Variants in COMMD2 observed in about 807,000 individuals in gnomAD.
COMMD2 encodes the protein COMM domain containing 2, also known as COMM domain-containing protein 2.
A neutral mutation model predicts 22.5 loss-of-function variants in COMMD2; 25 were observed. That is an observed-to-expected ratio of 1.11 (90% CI 0.81 to 1.55). The LOEUF is 1.55. Ranked by LOEUF, COMMD2 falls within the 40% of genes most tolerant of loss-of-function variation. COMMD2 has a pLI of 0.00. For synonymous variants in COMMD2, 98 were observed against 91.2 expected (o/e 1.07, Z -0.42); for missense variants, 223 against 232.9 (o/e 0.96, Z 0.28).
intron 3 of COMMD2, 104 bp from the exon 4 acceptor site, chr3:149,750,955 T>C: frequency 2.7e-6 from 2 of 747,828 alleles, no homozygotes; most frequent in Non-Finnish European, 4.0e-6. Context: ...TTCTGTCTAG[T>C]AAAAGAAACA....
In COMMD2 at chr3:149,740,938, C is replaced by A. The variant is rs76763488; in HGVS notation, c.*583G>T. 1 of 152,550 alleles carries A rather than the reference C, an allele frequency of 6.6e-6. No individual in the cohort carries two copies. Among genetic ancestry groups the A allele is most frequent in the African/African-American group, 2.4e-5 (1 of 41,386 alleles). The allele number at this position is 152,550 out of a possible 1,614,324, so 9.4% of individuals were successfully genotyped here. A position where few individuals can be genotyped will look rare whatever the true frequency, so the allele number is the denominator to read the frequency against. On this transcript the variant is annotated 3_prime_UTR_variant, in exon 5 of 5. Coordinates refer to ENST00000473414, the MANE Select transcript of COMMD2 (RefSeq NM_016094.4). ...ATAATGGCCATCTGGCTAGTTCCAA[C>A]GGTAGAGCATGAGACTCTTAAAATA... is the stretch of plus-strand genomic sequence containing the variant.
intron 4 of COMMD2, among the ~76,000 whole-genome samples, chr3:149,744,672 T>C: frequency 6.6e-6 from 1 of 152,222 alleles, no homozygotes; most frequent in East Asian, 1.9e-4. Flanking sequence ...TAGTTACAAG[T>C]TTCCTAGCCA....
chr3:149,740,456 C>T lies in COMMD2; in HGVS notation c.*1065G>A, dbSNP rs1332600118. 6.6e-6 allele frequency: 1 copy of T among 152,126 alleles called. No homozygotes were observed. Among genetic ancestry groups the T allele is most frequent in the African/African-American group, 2.4e-5 (1 of 41,432 alleles). The allele number at this position is 152,126 out of a possible 1,614,324, so 9.4% of individuals were successfully genotyped here. A position where few individuals can be genotyped will look rare whatever the true frequency, so the allele number is the denominator to read the frequency against. On this transcript the variant is annotated 3_prime_UTR_variant, in exon 5 of 5. Coordinates refer to ENST00000473414, the MANE Select transcript of COMMD2 (RefSeq NM_016094.4). Reference sequence around the variant, plus strand: ...ATCCATTATTTGTAAATGTAAATGACAGAGTGTCTCCTAGATGCTTTGGGT... The same window carrying T: ...ATCCATTATTTGTAAATGTAAATGATAGAGTGTCTCCTAGATGCTTTGGGT...
intron 2 of COMMD2, 46 bp downstream of exon 2, chr3:149,752,164 G>A (rs202123794): frequency 2.0e-6 from 3 of 1,525,998 alleles, no homozygotes; most frequent in Non-Finnish European, 2.7e-6. Context: ...GGAATGGCTC[G>A]CAACCGCCCT....
intron 4 of COMMD2, among the ~76,000 whole-genome samples, chr3:149,749,852 C>A (rs186694865): frequency 2.1e-3 from 316 of 152,114 alleles, no homozygotes; most frequent in Non-Finnish European, 3.3e-3. Flanking sequence ...TAATTATATT[C>A]TTTATTCCCC....
rs188105083 is a variant in COMMD2 at position 149,750,581 on chromosome 3, C to T, written c.402+97G>A. ...ACATTAAAAAAACAAAGTTTCAAAC[C>T]GCATCTTAGTTAAGGTGGTAAAGAA... On this transcript the variant is annotated intron_variant, in intron 4 of 4. Coordinates refer to ENST00000473414, the MANE Select transcript of COMMD2 (RefSeq NM_016094.4). 13 of 815,486 alleles carry T rather than the reference C, an allele frequency of 1.6e-5. No homozygotes were observed. The East Asian group carries it at 1.9e-4, about 12-fold the overall frequency. The allele number at this position is 815,486 out of a possible 1,614,324, so 50.5% of individuals were successfully genotyped here.
At chr3:149,747,691 C>T (rs1356079200) in intron 4 of COMMD2, among the ~76,000 whole-genome samples, 1 of 152,110 alleles carries the variant, frequency 6.6e-6, no homozygotes, top group Non-Finnish European at 1.5e-5. Flanking sequence ...AATCCCAGCA[C>T]TTGGGGAGGC....
intron 4 of COMMD2, among the ~76,000 whole-genome samples, chr3:149,748,700 G>C (rs1433044413): frequency 1.3e-5 from 2 of 152,186 alleles, no homozygotes; most frequent in Admixed American, 1.3e-4. Flanking sequence ...CTTGTACTTT[G>C]AAAGCAGCCA....
At position 149,740,995 on chromosome 3, in the gene COMMD2, C is replaced by T. The variant is rs1716196722; in HGVS notation, c.*526G>A. 6.6e-6 allele frequency: 1 copy of T among 152,588 alleles called. No homozygotes were observed. Among genetic ancestry groups the T allele is most frequent in the African/African-American group, 2.4e-5 (1 of 41,420 alleles). The allele number at this position is 152,588 out of a possible 1,614,324, so 9.5% of individuals were successfully genotyped here. A position where few individuals can be genotyped will look rare whatever the true frequency, so the allele number is the denominator to read the frequency against. Reference sequence around the variant, plus strand: ...ACATCTTAATGTGTCAAGAAGACCACAGTTAGCACCAGGAAAGGAACTTTA... The same window carrying T: ...ACATCTTAATGTGTCAAGAAGACCATAGTTAGCACCAGGAAAGGAACTTTA... On this transcript the variant is annotated 3_prime_UTR_variant, in exon 5 of 5. Transcript: ENST00000473414.
intron 4 of COMMD2, 50 bp downstream of exon 4, chr3:149,750,628 C>T: frequency 7.5e-7 from 1 of 1,333,460 alleles, no homozygotes; most frequent in South Asian, 1.6e-5. Context: ...GGACACAAAC[C>T]TAAAATAATT....
chr3:149,741,252 G>C lies in COMMD2; in HGVS notation c.*269C>G, dbSNP rs1024974887. 6 of 328,606 alleles carry C rather than the reference G, an allele frequency of 1.8e-5. No homozygotes were observed. Among genetic ancestry groups the C allele is most frequent in the Non-Finnish European group, 3.5e-5 (6 of 171,922 alleles). 20.4% of individuals were successfully genotyped at this position (328,606 alleles called of 1,614,324 possible). On this transcript the variant is annotated 3_prime_UTR_variant, in exon 5 of 5. Transcript: ENST00000473414. ...TGGCTAATTTTTTATATTTTTAGTA[G>C]AGATGGGGTTTCACCATGTTAGCCA... is the stretch of plus-strand genomic sequence containing the variant.
chr3:149,748,128 T>C (rs1195656127), intron 4 of COMMD2, among the ~76,000 whole-genome samples: 2 of 151,986 alleles, frequency 1.3e-5, no homozygotes, highest in African/African-American at 4.8e-5. Context: ...GCTAGAACTA[T>C]GTCCTCATGG....
intron 4 of COMMD2, among the ~76,000 whole-genome samples, chr3:149,749,381 A>T (rs1202720504): frequency 6.6e-6 from 1 of 152,196 alleles, no homozygotes; most frequent in Non-Finnish European, 1.5e-5. Flanking sequence ...TCTATAACCT[A>T]TCTGGACATT....
In COMMD2 at chr3:149,741,257, G is replaced by A. The variant is rs970665132; in HGVS notation, c.*264C>T. ...AATTTTTTATATTTTTAGTAGAGAT[G>A]GGGTTTCACCATGTTAGCCAGGAAG... On this transcript the variant is annotated 3_prime_UTR_variant, in exon 5 of 5. Transcript: ENST00000473414. The A allele has an allele frequency of 3.8e-5, 13 of 340,128 alleles. No individual in the cohort carries two copies. Among genetic ancestry groups the A allele is most frequent in the Non-Finnish European group, 6.1e-5 (11 of 179,384 alleles). The allele number at this position is 340,128 out of a possible 1,614,324, so 21.1% of individuals were successfully genotyped here.
rs954785183 is a variant in COMMD2, at chr3:149,741,696, T to C, written c.425A>G (p.Gln142Arg). Residue 142 changes from glutamine (Q) to arginine (R), a missense_variant, in exon 5 of 5, where the codon CAA (glutamine) becomes CGA (arginine). Gln to Arg is a conservative substitution (Grantham distance 43, BLOSUM62 1). Coordinates refer to ENST00000473414, the MANE Select transcript of COMMD2 (RefSeq NM_016094.4). ...DVQLASRSLRQQIKPAVTIKL... is the reference protein window; with the variant it reads ...DVQLASRSLRRQIKPAVTIKL... ...TATAGTCACTGCTGGTTTAATCTGTTGCCTGAGACTTCTACTTGCAAGCTT... is the reference window on the plus strand; with the variant it reads ...TATAGTCACTGCTGGTTTAATCTGTCGCCTGAGACTTCTACTTGCAAGCTT... The C allele has an allele frequency of 1.2e-6, 2 of 1,613,742 alleles. No individual in the cohort carries two copies. The highest frequency in any genetic ancestry group is 1.7e-6 in the Non-Finnish European group (2 of 1,179,872).
intron 4 of COMMD2, among the ~76,000 whole-genome samples, chr3:149,745,040 T>C (rs930271149): frequency 1.3e-5 from 2 of 152,162 alleles, no homozygotes; most frequent in Non-Finnish European, 2.9e-5. Context: ...TAAAGCCTAC[T>C]GGACCCCAAA....
chr3:149,752,454 C>T lies in COMMD2; in HGVS notation c.-10G>A, dbSNP rs375933323. On this transcript the variant is annotated 5_prime_UTR_variant, in exon 1 of 5. Coordinates refer to ENST00000473414, the MANE Select transcript of COMMD2 (RefSeq NM_016094.4). ...ACAATTCCAGCAGCATCTTCACTGT[C>T]CTACGATTTCACCCGGCAGCGCCGA... 81 of 1,611,176 alleles carry T rather than the reference C, an allele frequency of 5.0e-5. No individual in the cohort carries two copies. Among genetic ancestry groups the T allele is most frequent in the Non-Finnish European group, 6.7e-5 (79 of 1,178,588 alleles).
chr3:149,751,161 T>C (rs533626734), intron 3 of COMMD2, among the ~76,000 whole-genome samples: 101 of 152,350 alleles, frequency 6.6e-4, no homozygotes, highest in Non-Finnish European at 1.2e-3. Flanking sequence ...TTAAGATACA[T>C]ATATGGTTTA....
At chr3:149,750,982 GACC>G (rs1716512225) in intron 3 of COMMD2, 131 bp from the exon 4 acceptor site, 1 of 599,248 alleles carries the variant, frequency 1.7e-6, no homozygotes, top group African/African-American at 1.9e-5. Context: ...CTTAACCACT[GACC>G]ACCATTCCAA....
Sources: gnomAD v4.1 joint callset for allele counts (sites outside exome capture counted in the v4.1 genomes callset) on GRCh38, gnomAD v4.1.1 for gene constraint, MANE v1.5 for transcripts, NCBI Gene and HGNC (gene_info 2026-07-23, HGNC 2026-07-21) for gene names.